NEDD9: variants seen among roughly 807,000 people sequenced by gnomAD.
NEDD9 encodes enhancer of filamentation 1.
Under a neutral mutation model 76.6 loss-of-function variants are expected in NEDD9, and 26 were observed. The ratio of observed to expected loss-of-function variants is 0.34; its 90% CI spans 0.25 to 0.47. The LOEUF (loss-of-function observed/expected upper bound fraction) is 0.47, where lower values mean the gene tolerates loss of function less well. Ranked by LOEUF, NEDD9 falls within the 20% of genes least tolerant of loss-of-function variation. The probability of loss-of-function intolerance (pLI) is 1.00; values close to 1 mark genes in which losing one functional copy is unlikely to be tolerated. For synonymous variants in NEDD9, 392 were observed against 414.2 expected (o/e 0.95, Z 0.65); for missense variants, 937 against 1,058.5 (o/e 0.89, Z 1.59).
chr6:11,276,946 C>CAAAG, intron 3 of NEDD9, among the ~76,000 whole-genome samples: 1 of 150,728 alleles, frequency 6.6e-6, no homozygotes, highest in East Asian at 1.9e-4. Context: ...GATCTGGAAA[C>CAAAG]AAACAAACAA....
chr6:11,253,084 A>G (rs946075365), intron 3 of NEDD9, among the ~76,000 whole-genome samples: 4 of 152,208 alleles, frequency 2.6e-5, no homozygotes, highest in African/African-American at 9.6e-5. Context: ...AGTCATAAAA[A>G]AGTCAGGTCA....
chr6:11,193,871 T>C (rs947185803), intron 2 of NEDD9, among the ~76,000 whole-genome samples, 179 bp from the exon 3 acceptor site: 4 of 152,012 alleles, frequency 2.6e-5, no homozygotes, highest in African/African-American at 9.7e-5. Context: ...TTTTTTTTTT[T>C]TTTTTGAAAT....
intron 5 of NEDD9, among the ~76,000 whole-genome samples, chr6:11,189,243 C>T (rs1374465460): frequency 6.6e-6 from 1 of 151,848 alleles, no homozygotes; most frequent in Non-Finnish European, 1.5e-5. Flanking sequence ...CTGCGCCCAG[C>T]CAGTAGAATG....
intron 3 of NEDD9, among the ~76,000 whole-genome samples, chr6:11,278,012 G>T (rs1310428442): frequency 2.6e-5 from 4 of 152,160 alleles, no homozygotes; most frequent in Non-Finnish European, 4.4e-5. Context: ...CGGGAGGGAG[G>T]CTCCTGCAAG....
chr6:11,249,301 G>T, intron 3 of NEDD9: 1 of 405,944 alleles, frequency 2.5e-6, no homozygotes, highest in Non-Finnish European at 4.9e-6. Context: ...AGTTTAAAAA[G>T]AAGTTAATTT....
intron 1 of NEDD9, among the ~76,000 whole-genome samples, chr6:11,335,741 G>A (rs139140636): frequency 1.3e-5 from 2 of 152,330 alleles, no homozygotes; most frequent in Non-Finnish European, 2.9e-5. Context: ...GCAAAAATGT[G>A]TTGATAGTAA....
chr6:11,245,704 A>T (rs1468750418), intron 3 of NEDD9, among the ~76,000 whole-genome samples: 1 of 152,222 alleles, frequency 6.6e-6, no homozygotes, highest in Non-Finnish European at 1.5e-5. Flanking sequence ...AATTTACTAA[A>T]TTTAATGCTT....
At chr6:11,328,940 A>T (rs954300206) in intron 2 of NEDD9, 1 of 152,356 alleles carries the variant, frequency 6.6e-6, no homozygotes, top group Admixed American at 6.5e-5. Context: ...TTCAGAATTC[A>T]GTTGTCTTAA....
At chr6:11,220,399 A>C (rs928678545) in intron 1 of NEDD9, among the ~76,000 whole-genome samples, 2 of 152,204 alleles carry the variant, frequency 1.3e-5, no homozygotes, top group Non-Finnish European at 2.9e-5. Flanking sequence ...CTTTAGCTAT[A>C]GCATTCTCTT....
At chr6:11,337,044 C>T (rs932611630) in intron 1 of NEDD9, among the ~76,000 whole-genome samples, 13 of 152,126 alleles carry the variant, frequency 8.5e-5, no homozygotes, top group Non-Finnish European at 2.9e-5. Flanking sequence ...TAGTTGAAAC[C>T]CTGTCTCTAC....
chr6:11,185,328 C>A lies in NEDD9; in HGVS notation c.2339G>T (p.Ser780Ile). 6.2e-7 allele frequency: 1 copy of A among 1,614,160 alleles called. No individual in the cohort carries two copies. Among genetic ancestry groups the A allele is most frequent in the South Asian group, 1.1e-5 (1 of 91,078 alleles). Reference sequence around the variant, plus strand: ...CTTGAGCTGCTCGCAGAGCTGGTTGCTGGAGTTCATGACTTTGTTGCGAAT... The same window carrying A: ...CTTGAGCTGCTCGCAGAGCTGGTTGATGGAGTTCATGACTTTGTTGCGAAT... ...QDIRNKVMNSSNQLCEQLKTI... is the reference protein window; with the variant it reads ...QDIRNKVMNSINQLCEQLKTI... Residue 780 changes from serine (S) to isoleucine (I), a missense_variant, in exon 7 of 7, where the codon AGC becomes ATC. Ser to Ile is a moderately radical substitution (Grantham distance 142). Transcript: ENST00000379446.
intron 1 of NEDD9, among the ~76,000 whole-genome samples, chr6:11,352,952 G>T (rs1313162571): frequency 6.6e-6 from 1 of 152,230 alleles, no homozygotes; most frequent in Non-Finnish European, 1.5e-5. Flanking sequence ...AGCACATGTG[G>T]CACACAGTAG....
chr6:11,306,053 G>A (rs754236515), exon 3 of NEDD9: 9 of 1,612,352 alleles, frequency 5.6e-6, no homozygotes, highest in South Asian at 3.3e-5. Context: ...GACAATTCCG[G>A]CGTTTTACTC....
chr6:11,255,546 GA>G (rs1335451197), intron 3 of NEDD9, among the ~76,000 whole-genome samples: 1 of 152,064 alleles, frequency 6.6e-6, no homozygotes, highest in African/African-American at 2.4e-5. Context: ...TAAGGTAGCT[GA>G]AACAGCATGT....
chr6:11,365,070 CATG>C (rs1205554435), intron 1 of NEDD9, among the ~76,000 whole-genome samples: 3 of 152,138 alleles, frequency 2.0e-5, no homozygotes, highest in African/African-American at 4.8e-5. Context: ...GAGCTCTTCT[CATG>C]ATGGCGACTA....
At chr6:11,196,540 C>G (rs1758298685) in intron 2 of NEDD9, among the ~76,000 whole-genome samples, 1 of 152,176 alleles carries the variant, frequency 6.6e-6, no homozygotes, top group Non-Finnish European at 1.5e-5. Flanking sequence ...TGTCACAGAA[C>G]CCCAACTTGC....
chr6:11,232,092 G>C (rs999712451), intron 1 of NEDD9, among the ~76,000 whole-genome samples: 1 of 152,142 alleles, frequency 6.6e-6, no homozygotes, highest in Non-Finnish European at 1.5e-5. Context: ...GCCAGTCTGA[G>C]ACAGACTATG....
intron 1 of NEDD9, among the ~76,000 whole-genome samples, chr6:11,220,451 T>C (rs1052394863): frequency 1.6e-4 from 25 of 152,198 alleles, no homozygotes; most frequent in Admixed American, 8.5e-4. Context: ...AAATGTGACA[T>C]TAAATACTTG....
At chr6:11,318,477 G>A (rs2113460324) in intron 2 of NEDD9, among the ~76,000 whole-genome samples, 1 of 152,236 alleles carries the variant, frequency 6.6e-6, no homozygotes, top group East Asian at 1.9e-4. Flanking sequence ...TGACGGCGTT[G>A]ATGACTCACT....
Sources: gnomAD v4.1 joint callset for allele counts (sites outside exome capture counted in the v4.1 genomes callset) on GRCh38, gnomAD v4.1.1 for gene constraint, MANE v1.5 for transcripts, NCBI Gene and HGNC (gene_info 2026-07-23, HGNC 2026-07-21) for gene names.